Variants in KLF12 observed in about 807,000 individuals in gnomAD.
The protein encoded by KLF12 is KLF transcription factor 12.
KLF12 carries 9 observed loss-of-function variants against 37.8 expected under a neutral mutation model. The ratio of observed to expected loss-of-function variants is 0.24; its 90% CI spans 0.14 to 0.42. The LOEUF is 0.42. KLF12 is among the 10% of genes least tolerant of loss of function. The pLI is 1.00. For missense variants in KLF12, 411 were observed against 516.0 expected (o/e 0.80, Z 1.97); for synonymous variants, 208 against 202.1 (o/e 1.03, Z -0.25).
At chr13:74,304,212 A>G in the KLF12 span, among the ~76,000 whole-genome samples, 1 of 152,218 alleles carries the variant, frequency 6.6e-6, no homozygotes, top group Non-Finnish European at 1.5e-5. Flanking sequence ...CTGTATCAGA[A>G]ACCAGATAAT....
At chr13:73,811,973 G>A (rs1362321113) in intron 5 of KLF12, among the ~76,000 whole-genome samples, 1 of 152,058 alleles carries the variant, frequency 6.6e-6, no homozygotes, top group African/African-American at 2.4e-5. Flanking sequence ...AACAAAGTAG[G>A]TATTTAATCA....
the KLF12 span, among the ~76,000 whole-genome samples, chr13:74,150,099 C>G: frequency 8.5e-5 from 13 of 152,150 alleles, no homozygotes; most frequent in Non-Finnish European, 1.5e-5. Context: ...CTCTCTCCCT[C>G]TGCTGGATTG....
the KLF12 span, among the ~76,000 whole-genome samples, chr13:74,270,129 C>A: frequency 6.6e-6 from 1 of 152,080 alleles, no homozygotes; most frequent in East Asian, 1.9e-4. Context: ...CTAGGGGGAG[C>A]CTCTAAACCC....
At chr13:73,906,807 T>A (rs956941774) in intron 3 of KLF12, among the ~76,000 whole-genome samples, 1 of 152,220 alleles carries the variant, frequency 6.6e-6, no homozygotes, top group African/African-American at 2.4e-5. Flanking sequence ...GGGATTTCTG[T>A]CTGCTTCTTC....
chr13:74,304,420 A>G, the KLF12 span, among the ~76,000 whole-genome samples: 1 of 152,148 alleles, frequency 6.6e-6, no homozygotes, highest in Non-Finnish European at 1.5e-5. Flanking sequence ...ATAGGATGCT[A>G]TTGAAATGTG....
chr13:73,809,942 T>A (rs1426398076), intron 5 of KLF12, among the ~76,000 whole-genome samples: 1 of 152,160 alleles, frequency 6.6e-6, no homozygotes, highest in Non-Finnish European at 1.5e-5. Flanking sequence ...TTACATAAAA[T>A]CCTGTGACTT....
chr13:74,215,907 TC>T, the KLF12 span, among the ~76,000 whole-genome samples: 1 of 152,334 alleles, frequency 6.6e-6, no homozygotes, highest in South Asian at 2.1e-4. Context: ...GTTTCTGGTG[TC>T]CATGAATCTG....
At chr13:74,206,060 G>A in the KLF12 span, among the ~76,000 whole-genome samples, 1 of 152,106 alleles carries the variant, frequency 6.6e-6, no homozygotes, top group South Asian at 2.1e-4. Flanking sequence ...TTTGCTTTGT[G>A]TTTTTGGTTA....
intron 1 of KLF12, among the ~76,000 whole-genome samples, chr13:74,125,533 T>C (rs1030895541): frequency 2.0e-5 from 3 of 152,144 alleles, no homozygotes; most frequent in Non-Finnish European, 4.4e-5. Flanking sequence ...CTAATAAAAA[T>C]AACGTTATTA....
the KLF12 span, among the ~76,000 whole-genome samples, chr13:74,236,727 GC>G: frequency 2.5e-5 from 3 of 118,186 alleles, no homozygotes; most frequent in African/African-American, 4.9e-5. Flanking sequence ...GTGTTTTTTG[GC>G]TGCATAAATG....
At chr13:73,712,449 CAAAA>C (rs765690735) in intron 7 of KLF12, among the ~76,000 whole-genome samples, 33 of 151,350 alleles carry the variant, frequency 2.2e-4, no homozygotes, top group Admixed American at 1.1e-3. Flanking sequence ...TACGGATGCG[CAAAA>C]AAAGTGATTC....
chr13:74,295,463 A>G, the KLF12 span, among the ~76,000 whole-genome samples: 1 of 152,188 alleles, frequency 6.6e-6, no homozygotes, highest in South Asian at 2.1e-4. Context: ...GTACTTGGGC[A>G]GAATTTGCCA....
At chr13:74,159,075 C>T in the KLF12 span, among the ~76,000 whole-genome samples, 1 of 152,180 alleles carries the variant, frequency 6.6e-6, no homozygotes, top group East Asian at 1.9e-4. Context: ...TCCTACACCT[C>T]AGGAACCTTG....
In KLF12 at chr13:74,007,518, G is replaced by A. The variant is rs189175584; in HGVS notation, c.-31-12465C>T. On this transcript the variant is annotated intron_variant, in intron 1 of 7. Coordinates refer to ENST00000377669, the MANE Select transcript of KLF12 (RefSeq NM_007249.5). ...TCCCGATCTCCTGACCTCGTGATCC[G>A]CCCGCCTCGGCCTCCCAGTGTGCTG... Among the ~76,000 whole-genome samples the A allele has an allele frequency of 9.1e-4, 138 of 152,000 alleles. 1 individual carries two copies. The East Asian group carries it at 0.019, about 21-fold the overall frequency.
intron 1 of KLF12, among the ~76,000 whole-genome samples, chr13:74,010,512 T>C (rs1438869962): frequency 1.3e-5 from 2 of 152,252 alleles, no homozygotes; most frequent in Non-Finnish European, 2.9e-5. Context: ...ATAATTTCTC[T>C]AAAATCCAGT....
intron 5 of KLF12, among the ~76,000 whole-genome samples, chr13:73,811,100 C>A (rs1882918254): frequency 6.8e-6 from 1 of 146,892 alleles, no homozygotes; most frequent in East Asian, 2.0e-4. Flanking sequence ...ATTCTCCTGC[C>A]TCAGCCTCCC....
At chr13:73,946,179 G>A (rs1890414402) in intron 2 of KLF12, among the ~76,000 whole-genome samples, 1 of 152,170 alleles carries the variant, frequency 6.6e-6, no homozygotes, top group African/African-American at 2.4e-5. Context: ...TACCCTGGAG[G>A]AGTTCTTGCC....
chr13:74,089,953 A>T (rs972534389), intron 1 of KLF12, among the ~76,000 whole-genome samples: 2 of 152,026 alleles, frequency 1.3e-5, no homozygotes, highest in African/African-American at 4.8e-5. Context: ...CAGGATAGTA[A>T]GGCAAGAAAA....
At chr13:73,872,435 A>C (rs1328293406) in intron 3 of KLF12, among the ~76,000 whole-genome samples, 3 of 152,212 alleles carry the variant, frequency 2.0e-5, no homozygotes, top group African/African-American at 7.2e-5. Context: ...TGGATTACTA[A>C]ATCTCCTCAG....
Sources: gnomAD v4.1 joint callset for allele counts (sites outside exome capture counted in the v4.1 genomes callset) on GRCh38, gnomAD v4.1.1 for gene constraint, MANE v1.5 for transcripts, NCBI Gene and HGNC (gene_info 2026-07-23, HGNC 2026-07-21) for gene names.